The following CD8A variants were observed in gnomAD, a reference collection of about 807,000 sequenced individuals.
CD8A encodes CD8 subunit alpha, also known as T-cell surface glycoprotein CD8 alpha chain.
Under a neutral mutation model 24.2 loss-of-function variants are expected in CD8A, and 25 were observed. The observed-to-expected ratio is 1.03, with a 90% CI of 0.75 to 1.44. The LOEUF (loss-of-function observed/expected upper bound fraction) is 1.44. CD8A is among the 40% of genes most tolerant of loss of function. The probability of loss-of-function intolerance (pLI) is 0.00; values close to 1 mark genes in which losing one functional copy is unlikely to be tolerated. For missense variants in CD8A, 360 were observed against 319.7 expected (o/e 1.13, Z -0.96); for synonymous variants, 165 against 149.9 (o/e 1.10, Z -0.74).
At chr2:86,796,783 T>A (rs1345017589) in intron 3 of CD8A, among the ~76,000 whole-genome samples, 2 of 152,232 alleles carry the variant, frequency 1.3e-5, no homozygotes, top group Non-Finnish European at 2.9e-5. Context: ...GAGCTGAAAC[T>A]CACCAGATCA....
Position 86,785,364 on chromosome 2 carries a change from G to T in CD8A, c.*556C>A, listed in dbSNP as rs1337170671. Reference sequence around the variant, plus strand: ...AATTCATTACCTCCTCGAGGCTCTGGGCACAGTATCCCAGGTATCAAGAAG... The same window carrying T: ...AATTCATTACCTCCTCGAGGCTCTGTGCACAGTATCCCAGGTATCAAGAAG... On this transcript the variant is annotated 3_prime_UTR_variant, in exon 6 of 6. Transcript: ENST00000283635. The T allele has an allele frequency of 2.2e-6, 1 of 454,198 alleles. No individual in the cohort carries two copies. Among genetic ancestry groups the T allele is most frequent in the South Asian group, 1.6e-5 (1 of 64,468 alleles). The allele number at this position is 454,198 out of a possible 1,614,324, so 28.1% of individuals were successfully genotyped here. A position where few individuals can be genotyped will look rare whatever the true frequency, so the allele number is the denominator to read the frequency against.
At position 86,785,778 on chromosome 2, in the gene CD8A, C is replaced by T. The variant is rs754722019; in HGVS notation, c.*142G>A. The T allele has an allele frequency of 6.3e-6, 5 of 798,988 alleles. No homozygotes were observed. Among genetic ancestry groups the T allele is most frequent in the Non-Finnish European group, 1.1e-5 (5 of 436,358 alleles). The allele number at this position is 798,988 out of a possible 1,614,324, so 49.5% of individuals were successfully genotyped here. ...GTCAAACACATAAAGAAAAAGTAAT[C>T]TTTCCCACCCCGCCCCCACTAAAAT... On this transcript the variant is annotated 3_prime_UTR_variant, in exon 6 of 6. Coordinates refer to ENST00000283635, the MANE Select transcript of CD8A (RefSeq NM_001768.7).
intron 3 of CD8A, among the ~76,000 whole-genome samples, chr2:86,795,914 A>G (rs978592566): frequency 6.6e-5 from 10 of 152,242 alleles, no homozygotes; most frequent in African/African-American, 2.4e-4. Flanking sequence ...CAAAGTATAC[A>G]TAAAAAAGAC....
At chr2:86,799,680 C>T (rs71411867) in intron 3 of CD8A, among the ~76,000 whole-genome samples, 18,938 of 151,952 alleles carry the variant, frequency 0.12, 1,320 homozygotes, top group Non-Finnish European at 0.17. Context: ...GGCTTGAACC[C>T]GGGAAGTGGA....
At chr2:86,799,407 G>A (rs1040736788) in intron 3 of CD8A, among the ~76,000 whole-genome samples, 6 of 152,064 alleles carry the variant, frequency 3.9e-5, no homozygotes, top group Admixed American at 6.6e-5. Context: ...ATTTCCATCC[G>A]TTAGAAATTG....
intron 3 of CD8A, among the ~76,000 whole-genome samples, chr2:86,800,334 C>T (rs533093399): frequency 1.1e-4 from 17 of 150,854 alleles, no homozygotes; most frequent in Admixed American, 8.6e-4. Flanking sequence ...TGGTGGCAAG[C>T]GCCTGTAATC....
upstream of CD8A, among the ~76,000 whole-genome samples, chr2:86,793,210 A>G (rs1386017199): frequency 6.6e-6 from 1 of 152,184 alleles, no homozygotes; most frequent in Non-Finnish European, 1.5e-5. Flanking sequence ...TGCATTATAT[A>G]TGGGTGTTCC....
At chr2:86,786,325 T>C (rs1053533409) in intron 5 of CD8A, among the ~76,000 whole-genome samples, 2 of 152,204 alleles carry the variant, frequency 1.3e-5, no homozygotes, top group Non-Finnish European at 2.9e-5. Context: ...GTGAGACTGA[T>C]AACCAAAGTC....
At chr2:86,789,469 G>T in intron 3 of CD8A, 36 bp from the exon 4 acceptor site, 1 of 1,519,370 alleles carries the variant, frequency 6.6e-7, no homozygotes, top group South Asian at 1.1e-5. Flanking sequence ...TTAGGAGAGG[G>T]CCCGGGACCT....
chr2:86,787,741 T>C (rs150744818), intron 5 of CD8A, among the ~76,000 whole-genome samples: 1 of 152,258 alleles, frequency 6.6e-6, no homozygotes, highest in Non-Finnish European at 1.5e-5. Context: ...CCCTGAGCCA[T>C]GAGATGGCAC....
rs777400650 is a variant in CD8A, at chr2:86,784,789, G to A, written c.*1131C>T. 6 of 453,980 alleles carry A rather than the reference G, an allele frequency of 1.3e-5. No individual in the cohort carries two copies. The highest frequency in any genetic ancestry group is 7.8e-5 in the South Asian group (5 of 64,484). 28.1% of individuals were successfully genotyped at this position (453,980 alleles called of 1,614,324 possible). The stretch of plus-strand genomic sequence containing the variant: ...ATTCCTAAGGTGAAGAATTATGAGT[G>A]GTTCTTATTTCCTTATCTACTTAAG... On this transcript the variant is annotated 3_prime_UTR_variant, in exon 6 of 6. Transcript: ENST00000283635.
chr2:86,790,535 T>TGGC lies in CD8A; in HGVS notation c.193_195dup (p.Ala65dup). The TGGC allele has an allele frequency of 6.2e-7, 1 of 1,613,534 alleles. No homozygotes were observed. Among genetic ancestry groups the TGGC allele is most frequent in the Admixed American group, 1.7e-5 (1 of 60,026 alleles). On this transcript the variant is annotated inframe_insertion, in exon 2 of 6. Transcript: ENST00000283635. The stretch of plus-strand genomic sequence containing the variant: ...GAGAGGTATAGGAGGAAGGTGGGAC[T>TGGC]GGCGGCGGCGCCGCGCGGCTGGAAG...
Position 86,805,523 on chromosome 2 carries a change from ATAGGGTGTGAT to A in CD8A, c.-418+1913_-418+1923del, listed in dbSNP as rs548884855. On this transcript the variant is annotated intron_variant, in intron 2 of 8. Coordinates refer to the CD8A transcript ENST00000409511. ...CAGTCTTTTCAATTCTGCCAATCTC[ATAGGGTGTGAT>A]GGTATCTCGTTGTTTAAACCTGACT... Among the ~76,000 whole-genome samples, 17 of 152,254 alleles carry A rather than the reference ATAGGGTGTGAT, an allele frequency of 1.1e-4. No homozygotes were observed. The South Asian group carries it at 3.5e-3, about 32-fold the overall frequency.
rs1297412459 is a variant in CD8A at position 86,789,738 on chromosome 2, G to A, written c.416C>T (p.Thr139Met). 3 of 1,363,592 alleles carry A rather than the reference G, an allele frequency of 2.2e-6. No homozygotes were observed. The highest frequency in any genetic ancestry group is 2.8e-6 in the Non-Finnish European group (3 of 1,066,058). 84.5% of individuals were successfully genotyped at this position (1,363,592 alleles called of 1,614,324 possible). A position where few individuals can be genotyped will look rare whatever the true frequency, so the allele number is the denominator to read the frequency against. ...VPVFLPAKPT[T>M]TPAPRPPTPA... ...TGTTGGTGGTCGCGGCGCTGGCGTC[G>A]TGGTGGGCTTCGCTGCAAGAGCAAC... The change falls in exon 3 of 6, where the codon ACG becomes ATG. Residue 139 changes from threonine (T) to methionine (M), a missense_variant. Physicochemically the swap from Thr to Met is moderately conservative, Grantham distance 81. Transcript: ENST00000283635.
At chr2:86,798,104 C>T (rs80109958) in intron 3 of CD8A, among the ~76,000 whole-genome samples, 9,696 of 151,950 alleles carry the variant, frequency 0.064, 399 homozygotes, top group Middle Eastern at 0.11. Flanking sequence ...ATGAAATGTT[C>T]GTCTTTACCT....
At chr2:86,804,735 C>T (rs1246761592) in intron 2 of CD8A, among the ~76,000 whole-genome samples, 1 of 151,796 alleles carries the variant, frequency 6.6e-6, no homozygotes, top group Non-Finnish European at 1.5e-5. Flanking sequence ...GTCCTCCTGC[C>T]TCAGCCTCCC....
rs1672936517 is a variant in CD8A, at chr2:86,785,028, T to C, written c.*892A>G. 4.4e-6 allele frequency: 2 copies of C among 454,066 alleles called. No homozygotes were observed. The highest frequency in any genetic ancestry group is 8.8e-6 in the Non-Finnish European group (2 of 226,788). The allele number at this position is 454,066 out of a possible 1,614,324, so 28.1% of individuals were successfully genotyped here. A position where few individuals can be genotyped will look rare whatever the true frequency, so the allele number is the denominator to read the frequency against. Reference sequence around the variant, plus strand: ...AAAGTCATCAGTGATCCCAGGAACATGTTTGTATCTCAAATTCAGAGATTC... The same window carrying C: ...AAAGTCATCAGTGATCCCAGGAACACGTTTGTATCTCAAATTCAGAGATTC... On this transcript the variant is annotated 3_prime_UTR_variant, in exon 6 of 6. Transcript: ENST00000283635.
intron 2 of CD8A, among the ~76,000 whole-genome samples, chr2:86,807,194 G>A (rs1321848545): frequency 2.0e-5 from 3 of 152,080 alleles, no homozygotes; most frequent in Non-Finnish European, 4.4e-5. Flanking sequence ...TGCTGGCGCG[G>A]GTCCATGGTC....
In CD8A at chr2:86,785,586, G is replaced by A. The variant is rs1268645380; in HGVS notation, c.*334C>T. The A allele has an allele frequency of 1.8e-6, 1 of 543,736 alleles. No homozygotes were observed. Among genetic ancestry groups the A allele is most frequent in the South Asian group, 1.5e-5 (1 of 65,262 alleles). 33.7% of individuals were successfully genotyped at this position (543,736 alleles called of 1,614,324 possible). ...TTTAGCCTCCCCCTTTGTAAAACGG[G>A]CGGGGAAGAGGTTGAGATGGCATGG... is the stretch of plus-strand genomic sequence containing the variant. On this transcript the variant is annotated 3_prime_UTR_variant, in exon 6 of 6. Coordinates refer to ENST00000283635, the MANE Select transcript of CD8A (RefSeq NM_001768.7).
Sources: allele counts gnomAD v4.1 joint callset (sites outside exome capture counted in the v4.1 genomes callset), GRCh38; gene constraint gnomAD v4.1.1; transcripts MANE v1.5; gene names NCBI Gene and HGNC (gene_info 2026-07-23, HGNC 2026-07-21).